Variants in PTPRN2 observed in about 807,000 individuals in gnomAD.
PTPRN2 encodes the protein receptor-type tyrosine-protein phosphatase N2.
In PTPRN2, 74 loss-of-function variants were observed where a neutral mutation model predicts 118.8. That is an observed-to-expected ratio of 0.62 (90% CI 0.52 to 0.76). PTPRN2 has a LOEUF of 0.76. Ranked by LOEUF, PTPRN2 falls within the 30% of genes least tolerant of loss-of-function variation. The probability of loss-of-function intolerance (pLI) is 0.00; values close to 1 mark genes in which losing one functional copy is unlikely to be tolerated. For missense variants in PTPRN2, 1,481 were observed against 1,394.4 expected (o/e 1.06, Z -0.99); for synonymous variants, 641 against 608.0 (o/e 1.05, Z -0.80).
intron 12 of PTPRN2, among the ~76,000 whole-genome samples, chr7:157,720,561 C>T (rs920990240): frequency 1.6e-4 from 25 of 152,252 alleles, no homozygotes; most frequent in Admixed American, 1.5e-3. Flanking sequence ...CACTGCGGCC[C>T]CGGCTGCACC....
At chr7:158,334,428 TCA>T (rs1264682957) in intron 2 of PTPRN2, among the ~76,000 whole-genome samples, 1 of 69,016 alleles carries the variant, frequency 1.4e-5, no homozygotes, top group Non-Finnish European at 3.1e-5. Context: ...CAGACGTCAC[TCA>T]CACCCACACT....
At chr7:158,176,863 C>T (rs185961858) in intron 5 of PTPRN2, among the ~76,000 whole-genome samples, 11 of 152,340 alleles carry the variant, frequency 7.2e-5, no homozygotes, top group Non-Finnish European at 1.2e-4. Flanking sequence ...GTGGAGGCCA[C>T]GGTCCTCATC....
chr7:158,070,171 T>C lies in PTPRN2; in HGVS notation c.1723+11127A>G, dbSNP rs941415303. 2.0e-5 allele frequency among the ~76,000 whole-genome samples: 3 copies of C among 152,166 alleles called. No individual in the cohort carries two copies. In the East Asian group the frequency reaches 5.8e-4, roughly 29 times the overall value. On this transcript the variant is annotated intron_variant, in intron 11 of 22. Coordinates refer to ENST00000389418, the MANE Select transcript of PTPRN2 (RefSeq NM_002847.5). ...TGCACTATGGCCAACACAGCAGACATCCAAAAGCAGGGACTGACCTAGAGT... is the reference window on the plus strand; with the variant it reads ...TGCACTATGGCCAACACAGCAGACACCCAAAAGCAGGGACTGACCTAGAGT...
At chr7:157,895,701 C>T (rs565047187) in intron 12 of PTPRN2, among the ~76,000 whole-genome samples, 11 of 151,028 alleles carry the variant, frequency 7.3e-5, no homozygotes, top group African/African-American at 2.2e-4. Flanking sequence ...GAGGTGAAGG[C>T]GCGACAGAGG....
In PTPRN2 at chr7:157,737,319, G is replaced by A. The variant is rs367704765; in HGVS notation, c.1789-54382C>T. Among the ~76,000 whole-genome samples, 4 of 152,230 alleles carry A rather than the reference G, an allele frequency of 2.6e-5. No homozygotes were observed. In the East Asian group the frequency reaches 7.7e-4, roughly 29 times the overall value. On this transcript the variant is annotated intron_variant, in intron 12 of 22. Transcript: ENST00000389418. ...GGACGCGGCCCCCAGCAGTGTTCCT[G>A]TGTCCGTGGTTTGGAGGCTCTGTTC... is the stretch of plus-strand genomic sequence containing the variant.
intron 20 of PTPRN2, among the ~76,000 whole-genome samples, chr7:157,570,489 C>A (rs1799703246): frequency 6.6e-6 from 1 of 152,152 alleles, no homozygotes; most frequent in Non-Finnish European, 1.5e-5. Flanking sequence ...CCTTTTTATT[C>A]CAGGCAGGAA....
At chr7:157,732,199 ACGCGCCCAGCACAG>A (rs1799985942) in intron 12 of PTPRN2, among the ~76,000 whole-genome samples, 3 of 90,724 alleles carry the variant, frequency 3.3e-5, no homozygotes, top group African/African-American at 1.2e-4. Flanking sequence ...TTTCCGCCCC[ACGCGCCCAGCACAG>A]TTACTCTTTC....
Position 157,780,057 on chromosome 7 carries a change from T to C in PTPRN2, c.1789-97120A>G, listed in dbSNP as rs998117410. On this transcript the variant is annotated intron_variant, in intron 12 of 22. Coordinates refer to ENST00000389418, the MANE Select transcript of PTPRN2 (RefSeq NM_002847.5). The surrounding 1 kb of genome is among the most constrained non-coding windows in gnomAD (Gnocchi z 4.5). ...ATGAACTGCTATGAGTTTTTGATGA[T>C]GGCTTGGCTAGTTGAATTCTGATTC... Among the ~76,000 whole-genome samples, 1 of 152,226 alleles carries C rather than the reference T, an allele frequency of 6.6e-6. No individual in the cohort carries two copies. The highest frequency in any genetic ancestry group is 2.4e-5 in the African/African-American group (1 of 41,470).
chr7:158,384,384 C>G (rs1811176985), intron 2 of PTPRN2, among the ~76,000 whole-genome samples: 3 of 152,178 alleles, frequency 2.0e-5, no homozygotes, highest in South Asian at 4.1e-4. Flanking sequence ...ACTATTAATG[C>G]AAGATGCCAG....
At chr7:158,124,963 G>C (rs183530524) in intron 9 of PTPRN2, among the ~76,000 whole-genome samples, 232 of 152,374 alleles carry the variant, frequency 1.5e-3, no homozygotes, top group African/African-American at 5.0e-3. Flanking sequence ...GCAGTGCGGA[G>C]GCAAGAGGCT....
intron 12 of PTPRN2, among the ~76,000 whole-genome samples, chr7:157,850,872 G>A (rs1027647587): frequency 3.3e-5 from 5 of 152,248 alleles, no homozygotes; most frequent in Non-Finnish European, 5.9e-5. Flanking sequence ...CAATCTTCAT[G>A]TGGGAGAACG....
At position 157,585,931 on chromosome 7, in the gene PTPRN2, G is replaced by C. The variant is rs75261380; in HGVS notation, c.2497-7791C>G. On this transcript the variant is annotated intron_variant, in intron 17 of 22. Transcript: ENST00000389418. This position sits in a 1 kb window ranked among gnomAD's most constrained non-coding sequence, Gnocchi z 5.2. ...GCATGTGTGCGGCGAGAGACTGACC[G>C]ACCATCTTTGCACTGTCCCAGGCAG... Among the ~76,000 whole-genome samples, 1 of 152,130 alleles carries C rather than the reference G, an allele frequency of 6.6e-6. No homozygotes were observed. The highest frequency in any genetic ancestry group is 1.5e-5 in the Non-Finnish European group (1 of 68,022).
intron 9 of PTPRN2, among the ~76,000 whole-genome samples, chr7:158,111,924 A>G (rs1378462561): frequency 1.3e-5 from 2 of 152,254 alleles, no homozygotes; most frequent in Admixed American, 6.5e-5. Context: ...CCCTAAGCCA[A>G]TATCACTGGT....
At chr7:158,475,235 C>T (rs890161888) in intron 2 of PTPRN2, among the ~76,000 whole-genome samples, 10 of 151,902 alleles carry the variant, frequency 6.6e-5, no homozygotes, top group East Asian at 1.9e-4. Flanking sequence ...GGGGAGGCCC[C>T]GAAGGGCCCC....
chr7:158,085,274 A>G (rs1233941159), intron 10 of PTPRN2, among the ~76,000 whole-genome samples: 1 of 108,940 alleles, frequency 9.2e-6, no homozygotes, highest in Admixed American at 9.0e-5. Flanking sequence ...CCATCCACAC[A>G]GATACCCATC....
chr7:157,996,635 C>G (rs10258710), intron 11 of PTPRN2, among the ~76,000 whole-genome samples: 93,686 of 152,086 alleles, frequency 0.62, 29,185 homozygotes, highest in East Asian at 0.87. Flanking sequence ...CTGGTGTGGA[C>G]AAGCCCTTAA....
chr7:158,407,500 G>GGGT (rs2151425197), intron 2 of PTPRN2, among the ~76,000 whole-genome samples: 2 of 25,292 alleles, frequency 7.9e-5, no homozygotes, highest in African/African-American at 2.5e-4. Context: ...CCTGGGTCCT[G>GGGT]CGTCCTGGGT....
intron 12 of PTPRN2, among the ~76,000 whole-genome samples, chr7:157,825,792 A>G (rs1366419191): frequency 1.3e-5 from 2 of 152,190 alleles, no homozygotes; most frequent in African/African-American, 4.8e-5. Flanking sequence ...CCCCAGCCCC[A>G]TTCAGCTTCC....
chr7:157,976,468 A>G (rs1802756572), intron 11 of PTPRN2, among the ~76,000 whole-genome samples: 1 of 146,772 alleles, frequency 6.8e-6, no homozygotes, highest in South Asian at 2.1e-4. Context: ...AGCCCCCCCC[A>G]CCAATTACCC....
Sources: gnomAD v4.1 joint callset for allele counts (sites outside exome capture counted in the v4.1 genomes callset) on GRCh38, gnomAD v4.1.1 for gene constraint, Gnocchi (gnomAD v3.1) non-coding constraint, MANE v1.5 for transcripts, NCBI Gene and HGNC (gene_info 2026-07-23, HGNC 2026-07-21) for gene names.